WDR88: variants seen among roughly 807,000 people sequenced by gnomAD.
WDR88 encodes WD repeat-containing protein 88.
A neutral mutation model predicts 46.8 loss-of-function variants in WDR88; 40 were observed. That is an observed-to-expected ratio of 0.86 (90% CI 0.66 to 1.11). The LOEUF (loss-of-function observed/expected upper bound fraction) is 1.11. Ranked by LOEUF, WDR88 falls within the 50% of genes most tolerant of loss-of-function variation. The probability of loss-of-function intolerance (pLI) is 0.00; values close to 1 mark genes in which losing one functional copy is unlikely to be tolerated. For missense variants in WDR88, 562 were observed against 602.4 expected (o/e 0.93, Z 0.70); for synonymous variants, 235 against 240.7 (o/e 0.98, Z 0.22).
intron 7 of WDR88, among the ~76,000 whole-genome samples, 200 bp from the exon 8 acceptor site, chr19:33,160,214 C>A (rs1372344428): frequency 6.6e-6 from 1 of 152,050 alleles, no homozygotes; most frequent in Admixed American, 6.6e-5. Context: ...GACTGGGGAC[C>A]CCTGTCATAG....
At chr19:33,133,820 T>G (rs1973190331) in intron 1 of WDR88, among the ~76,000 whole-genome samples, 1 of 152,176 alleles carries the variant, frequency 6.6e-6, no homozygotes, top group Admixed American at 6.5e-5. Context: ...GGTATTGCGC[T>G]CTTGGGGAGG....
chr19:33,159,896 G>A (rs1973834788), intron 7 of WDR88, among the ~76,000 whole-genome samples: 1 of 151,920 alleles, frequency 6.6e-6, no homozygotes, highest in South Asian at 2.1e-4. Context: ...CCCTGAGCTT[G>A]TTTTCCTGCA....
At chr19:33,172,575 G>T (rs1974056364) in intron 10 of WDR88, 135 bp downstream of exon 10, 3 of 684,656 alleles carry the variant, frequency 4.4e-6, no homozygotes, top group Non-Finnish European at 7.4e-6. Context: ...TGCCCCAGGG[G>T]AGCTTAAATT....
chr19:33,136,615 T>C (rs1211928355), intron 1 of WDR88, among the ~76,000 whole-genome samples: 3 of 152,140 alleles, frequency 2.0e-5, no homozygotes, highest in Admixed American at 2.0e-4. Flanking sequence ...CAGGCTGGAG[T>C]GCAGTGACAT....
At chr19:33,143,364 C>CA in intron 2 of WDR88, among the ~76,000 whole-genome samples, 2 of 128,204 alleles carry the variant, frequency 1.6e-5, no homozygotes, top group African/African-American at 6.2e-5. Context: ...AAAAAAAAGG[C>CA]TGGTCACAGT....
intron 3 of WDR88, among the ~76,000 whole-genome samples, chr19:33,147,264 G>C (rs1260503471): frequency 6.6e-6 from 1 of 151,112 alleles, no homozygotes; most frequent in East Asian, 2.0e-4. Flanking sequence ...GCGGGGGGCG[G>C]GGGAGGATGG....
At chr19:33,147,476 G>A (rs897232001) in intron 3 of WDR88, among the ~76,000 whole-genome samples, 169 bp from the exon 4 acceptor site, 1 of 152,084 alleles carries the variant, frequency 6.6e-6, no homozygotes, top group South Asian at 2.1e-4. Context: ...GGTGGCGGGC[G>A]CCTGTAATCT....
At chr19:33,165,701 T>G (rs979351050) in intron 9 of WDR88, among the ~76,000 whole-genome samples, 2 of 151,826 alleles carry the variant, frequency 1.3e-5, no homozygotes, top group Non-Finnish European at 2.9e-5. Context: ...GAGACCAGCC[T>G]GGCCAACGTG....
chr19:33,169,593 G>C (rs1232655805), intron 9 of WDR88, among the ~76,000 whole-genome samples: 1 of 143,988 alleles, frequency 6.9e-6, no homozygotes, highest in Non-Finnish European at 1.5e-5. Flanking sequence ...AGAAAATAAT[G>C]AATGTTGGCA....
intron 2 of WDR88, among the ~76,000 whole-genome samples, chr19:33,142,310 G>A (rs1395119651): frequency 6.6e-6 from 1 of 151,984 alleles, no homozygotes; most frequent in East Asian, 1.9e-4. Flanking sequence ...GAGAGGTGGC[G>A]ATTTATGGGA....
intron 2 of WDR88, among the ~76,000 whole-genome samples, chr19:33,139,541 G>A (rs1048695206): frequency 2.0e-5 from 3 of 152,262 alleles, no homozygotes; most frequent in Admixed American, 2.0e-4. Flanking sequence ...CCCTACAGAC[G>A]ACCTCAAGGG....
chr19:33,157,152 G>A (rs1246320510), intron 7 of WDR88, among the ~76,000 whole-genome samples: 1 of 151,520 alleles, frequency 6.6e-6, no homozygotes, highest in Non-Finnish European at 1.5e-5. Flanking sequence ...AGCTATGATT[G>A]TGCTACTGCA....
chr19:33,153,805 T>C (rs796810796), intron 6 of WDR88, among the ~76,000 whole-genome samples: 3 of 152,334 alleles, frequency 2.0e-5, no homozygotes, highest in African/African-American at 7.2e-5. Context: ...ACTGTGGTTT[T>C]CATTTACACT....
chr19:33,133,196 T>TAGAGAG (rs1215009794), intron 1 of WDR88, among the ~76,000 whole-genome samples: 23 of 61,808 alleles, frequency 3.7e-4, no homozygotes, highest in Middle Eastern at 6.8e-3. Context: ...AATAAATAAA[T>TAGAGAG]ATAGAGAGAG....
chr19:33,150,025 G>A (rs1291901501), intron 5 of WDR88, among the ~76,000 whole-genome samples: 1 of 152,212 alleles, frequency 6.6e-6, no homozygotes. Flanking sequence ...ACTGTGTGAT[G>A]ATGATACCAC....
At chr19:33,153,729 G>C (rs1204911650) in intron 6 of WDR88, among the ~76,000 whole-genome samples, 4 of 152,066 alleles carry the variant, frequency 2.6e-5, no homozygotes, top group Admixed American at 2.6e-4. Flanking sequence ...TCCTGACCTT[G>C]TGATCCACCC....
intron 9 of WDR88, among the ~76,000 whole-genome samples, chr19:33,167,742 T>TCTCCTCTCCTCC (rs1394247388): frequency 1.1e-3 from 173 of 151,002 alleles, no homozygotes; most frequent in African/African-American, 3.9e-3. Flanking sequence ...CCCTCCTCTT[T>TCTCCTCTCCTCC]TCTCTTCTCT....
intron 5 of WDR88, among the ~76,000 whole-genome samples, chr19:33,150,949 G>T (rs1191333973): frequency 6.6e-6 from 1 of 152,248 alleles, no homozygotes; most frequent in African/African-American, 2.4e-5. Context: ...TGCCTGGTCC[G>T]GGGTGTCTCC....
intron 10 of WDR88, chr19:33,174,928 T>A: frequency 1.0e-6 from 1 of 985,402 alleles, no homozygotes; most frequent in Non-Finnish European, 1.2e-6. Context: ...TTTCCGCCTT[T>A]GTGGGGTTAG....
Sources: allele counts gnomAD v4.1 joint callset (sites outside exome capture counted in the v4.1 genomes callset), GRCh38; gene constraint gnomAD v4.1.1; transcripts MANE v1.5; gene names NCBI Gene and HGNC (gene_info 2026-07-23, HGNC 2026-07-21).